Variants in PSG11 observed in about 807,000 individuals in gnomAD.
The protein encoded by PSG11 is pregnancy-specific beta-1-glycoprotein 11.
PSG11 carries 42 observed loss-of-function variants against 36.0 expected under a neutral mutation model. The ratio of observed to expected loss-of-function variants is 1.17; its 90% CI spans 0.91 to 1.51. PSG11 has a LOEUF of 1.51. Ranked by LOEUF, PSG11 falls within the 40% of genes most tolerant of loss-of-function variation. The pLI is 0.00. For missense variants in PSG11, 558 were observed against 403.5 expected (o/e 1.38, Z -3.28); for synonymous variants, 206 against 153.5 (o/e 1.34, Z -2.53).
intron 2 of PSG11, among the ~76,000 whole-genome samples, chr19:43,023,865 T>G (rs560491453): frequency 6.6e-6 from 1 of 151,566 alleles, no homozygotes; most frequent in East Asian, 1.9e-4. Flanking sequence ...CACAGTCACC[T>G]GACCTAATGC....
chr19:43,017,855 A>C (rs1490013340), intron 3 of PSG11, among the ~76,000 whole-genome samples: 1 of 151,524 alleles, frequency 6.6e-6, no homozygotes, highest in African/African-American at 2.4e-5. Context: ...AAAATATTTT[A>C]TTCCTTTTCA....
intron 4 of PSG11, among the ~76,000 whole-genome samples, chr19:43,010,998 C>T (rs1974063700): frequency 6.6e-6 from 1 of 150,776 alleles, no homozygotes; most frequent in East Asian, 1.9e-4. Flanking sequence ...ATTTAATCCA[C>T]ACAATAACCC....
At chr19:43,025,512 T>C (rs1967223011) in intron 1 of PSG11, among the ~76,000 whole-genome samples, 1 of 151,054 alleles carries the variant, frequency 6.6e-6, no homozygotes, top group South Asian at 2.1e-4. Context: ...TCTAGATCTC[T>C]TTGCATGTCT....
intron 5 of PSG11, 89 bp downstream of exon 5, chr19:43,009,869 G>A (rs749801063): frequency 9.7e-7 from 1 of 1,029,316 alleles, no homozygotes; most frequent in South Asian, 1.4e-5. Flanking sequence ...GGAGATCCAG[G>A]CCCAGATACA....
chr19:43,020,140 C>A (rs2122817599), intron 2 of PSG11, among the ~76,000 whole-genome samples: 1 of 151,428 alleles, frequency 6.6e-6, no homozygotes, highest in East Asian at 1.9e-4. Flanking sequence ...TTCAGTTATG[C>A]AGGACGAGGA....
At chr19:43,025,852 G>A (rs2526714) in intron 1 of PSG11, among the ~76,000 whole-genome samples, 75,683 of 143,294 alleles carry the variant, frequency 0.53, 21,504 homozygotes, top group East Asian at 0.99. Context: ...TGACTTTCCT[G>A]TTTTGACCCC....
At chr19:43,018,167 A>G (rs1967011373) in intron 3 of PSG11, among the ~76,000 whole-genome samples, 1 of 151,156 alleles carries the variant, frequency 6.6e-6, no homozygotes, top group South Asian at 2.1e-4. Context: ...TGGCTGAGTT[A>G]TGGATGAAAC....
chr19:43,013,943 A>G (rs1340627833), intron 4 of PSG11: 1 of 151,494 alleles, frequency 6.6e-6, no homozygotes, highest in Non-Finnish European at 1.5e-5. Flanking sequence ...AAACTTAACA[A>G]GGAATAAAAT....
rs112061538 is a variant in PSG11, at chr19:43,018,579, G to A, written c.709+191C>T. 50 of 1,345,070 alleles carry A rather than the reference G, an allele frequency of 3.7e-5. 1 individual carries two copies. In the East Asian group the frequency reaches 1.1e-3, roughly 30 times the overall value. 83.3% of individuals were successfully genotyped at this position (1,345,070 alleles called of 1,614,324 possible). A position where few individuals can be genotyped will look rare whatever the true frequency, so the allele number is the denominator to read the frequency against. ...CCCTGAGCCTCCCATGACAGGAGCA[G>A]CCTCTTTTCTCCCACTGTGGATCAA... On this transcript the variant is annotated intron_variant, in intron 3 of 5. Coordinates refer to ENST00000320078, the MANE Select transcript of PSG11 (RefSeq NM_002785.3).
intron 4 of PSG11, chr19:43,010,382 T>A: frequency 6.4e-7 from 1 of 1,556,918 alleles, no homozygotes; most frequent in South Asian, 1.2e-5. Context: ...GTGTCTCTGT[T>A]GTGGCAGTCA....
rs201399698 is a variant in PSG11 at position 43,007,835 on chromosome 19, GC to G, written c.*247del. 4.9e-3 allele frequency: 1,534 copies of G among 312,128 alleles called. 72 individuals are homozygous for G. The highest frequency in any genetic ancestry group is 0.031 in the African/African-American group (1,431 of 45,882). The allele number at this position is 312,128 out of a possible 1,614,324, so 19.3% of individuals were successfully genotyped here. A position where few individuals can be genotyped will look rare whatever the true frequency, so the allele number is the denominator to read the frequency against. ...GGAGGATAAAACATTCAAAAAATCA[GC>G]ACATTTTCCAATAAAAAATTATGAA... On this transcript the variant is annotated 3_prime_UTR_variant, in exon 6 of 6. Coordinates refer to ENST00000320078, the MANE Select transcript of PSG11 (RefSeq NM_002785.3).
At chr19:43,016,054 A>G (rs981881672) in intron 3 of PSG11, 9 of 1,603,938 alleles carry the variant, frequency 5.6e-6, no homozygotes, top group Non-Finnish European at 6.8e-6. Flanking sequence ...TGCTGTGTGG[A>G]TAACAGAGAG....
At position 43,024,771 on chromosome 19, in the gene PSG11, G is replaced by A. The variant is rs764180072; in HGVS notation, c.350C>T (p.Ala117Val). The change falls in exon 2 of 6, where the codon GCA becomes GTA. Residue 117 changes from alanine (A) to valine (V), a missense_variant. Physicochemically the swap from Ala to Val is moderately conservative, Grantham distance 64. Transcript: ENST00000320078. The part of the protein sequence containing the change: ...LLIQNVTRED[A>V]GSYTLHIIKR... Reference sequence around the variant, plus strand: ...TATGATGTGTAAGGTGTAGGATCCTGCGTCCTCCCGGGTGACATTCTGGAT... The same window carrying A: ...TATGATGTGTAAGGTGTAGGATCCTACGTCCTCCCGGGTGACATTCTGGAT... 1.9e-6 allele frequency: 3 copies of A among 1,611,794 alleles called. No individual in the cohort carries two copies. Among genetic ancestry groups the A allele is most frequent in the Non-Finnish European group, 2.5e-6 (3 of 1,179,086 alleles).
Position 43,022,519 on chromosome 19 carries a change from A to T in PSG11, c.430+2172T>A, listed in dbSNP as rs557086928. 7.3e-5 allele frequency among the ~76,000 whole-genome samples: 11 copies of T among 151,522 alleles called. 1 individual carries two copies. Among genetic ancestry groups the T allele is most frequent in the African/African-American group, 2.7e-4 (11 of 41,132 alleles). On this transcript the variant is annotated intron_variant, in intron 2 of 5. Coordinates refer to ENST00000320078, the MANE Select transcript of PSG11 (RefSeq NM_002785.3). Reference sequence around the variant, plus strand: ...TCCACTGGGGAGGCTGATTTCAGTAATAATAAACCTCTGTCCTCCTGTTTG... The same window carrying T: ...TCCACTGGGGAGGCTGATTTCAGTATTAATAAACCTCTGTCCTCCTGTTTG...
intron 4 of PSG11, chr19:43,010,432 T>A: frequency 6.7e-7 from 1 of 1,484,374 alleles, no homozygotes; most frequent in African/African-American, 1.4e-5. Flanking sequence ...AGGGACCTGA[T>A]TGACAGAAGG....
chr19:43,013,113 C>T (rs901741749), intron 4 of PSG11, among the ~76,000 whole-genome samples: 1 of 151,220 alleles, frequency 6.6e-6, no homozygotes, highest in South Asian at 2.1e-4. Context: ...ACACCATGTA[C>T]AAAAATTAAC....
intron 3 of PSG11, 125 bp downstream of exon 3, chr19:43,018,645 G>A (rs1209593421): frequency 2.5e-6 from 4 of 1,592,398 alleles, no homozygotes; most frequent in African/African-American, 2.7e-5. Context: ...GAAAGTCATG[G>A]CCAGCTTTGA....
Position 43,015,341 on chromosome 19 carries a change from A to G in PSG11, c.739T>C (p.Ser247Pro). 6.2e-7 allele frequency: 1 copy of G among 1,610,668 alleles called. No individual in the cohort carries two copies. Among genetic ancestry groups the G allele is most frequent in the Non-Finnish European group, 8.5e-7 (1 of 1,177,856 alleles). The change falls in exon 4 of 6, where the codon TCA (serine) becomes CCA (proline). Residue 247 changes from serine (S) to proline (P), a missense_variant. Physicochemically the swap from Ser to Pro is moderately conservative, Grantham distance 74. Coordinates refer to ENST00000320078, the MANE Select transcript of PSG11 (RefSeq NM_002785.3). ...TCTCCTGAATAGTAAGAGGTGACTGAAGGGAAAATTCTGGGGAGGTCTGGA... is the reference window on the plus strand; with the variant it reads ...TCTCCTGAATAGTAAGAGGTGACTGGAGGGAAAATTCTGGGGAGGTCTGGA... ...HGPDLPRIFPSVTSYYSGENL... is the reference protein window; with the variant it reads ...HGPDLPRIFPPVTSYYSGENL...
intron 4 of PSG11, chr19:43,010,424 G>A (rs556928871): frequency 2.6e-6 from 4 of 1,510,278 alleles, no homozygotes; most frequent in Admixed American, 3.7e-5. Flanking sequence ...TCCATGGCAG[G>A]GACCTGATTG....
Sources: allele counts gnomAD v4.1 joint callset (sites outside exome capture counted in the v4.1 genomes callset), GRCh38; gene constraint gnomAD v4.1.1; transcripts MANE v1.5; gene names NCBI Gene and HGNC (gene_info 2026-07-23, HGNC 2026-07-21).